Variants in NEK2 observed in about 807,000 individuals in gnomAD.
The protein encoded by NEK2 is NIMA related kinase 2, also known as serine/threonine-protein kinase Nek2.
Under a neutral mutation model 54.1 loss-of-function variants are expected in NEK2, and 28 were observed. The observed-to-expected ratio is 0.52, with a 90% CI of 0.38 to 0.71. NEK2 has a LOEUF of 0.71. Among genes scored for constraint, NEK2 ranks in the 30% least tolerant of loss-of-function variants. The pLI, the probability that NEK2 is intolerant of heterozygous loss-of-function variation, is 0.00. For missense variants in NEK2, 407 were observed against 531.5 expected (o/e 0.77, Z 2.30); for synonymous variants, 176 against 193.1 (o/e 0.91, Z 0.73).
chr1:211,659,599 C>T (rs974006629), downstream of NEK2, among the ~76,000 whole-genome samples: 1 of 152,182 alleles, frequency 6.6e-6, no homozygotes, highest in African/African-American at 2.4e-5. Flanking sequence ...TACTGGTGAT[C>T]AAACAGCAAC....
chr1:211,668,857 C>T (rs1176554601), intron 6 of NEK2, among the ~76,000 whole-genome samples: 7 of 152,232 alleles, frequency 4.6e-5, no homozygotes, highest in Admixed American at 3.3e-4. Flanking sequence ...ACAAGGCTAT[C>T]GTATTAGGGC....
chr1:211,669,084 C>T, intron 6 of NEK2, 29 bp downstream of exon 6: 2 of 1,590,896 alleles, frequency 1.3e-6, no homozygotes, highest in Non-Finnish European at 1.7e-6. Context: ...TGGTAGTTCT[C>T]CTTTGCTTTG....
At chr1:211,658,560 C>T (rs372371750), downstream of NEK2, 10 of 412,042 alleles carry the variant, frequency 2.4e-5, no homozygotes, top group Non-Finnish European at 4.8e-5. Context: ...GGGAGGATTG[C>T]TTGAGCCCAT....
chr1:211,671,556 T>A (rs1655393840), intron 3 of NEK2, among the ~76,000 whole-genome samples: 1 of 152,206 alleles, frequency 6.6e-6, no homozygotes, highest in Non-Finnish European at 1.5e-5. Context: ...ATGAGAGACT[T>A]CTACTCTCAA....
intron 1 of NEK2, among the ~76,000 whole-genome samples, chr1:211,674,940 G>T (rs1202388410): frequency 6.6e-6 from 1 of 152,174 alleles, no homozygotes; most frequent in African/African-American, 2.4e-5. Flanking sequence ...TTCTGTAAAA[G>T]TTCTACCTAT....
intron 6 of NEK2, 79 bp from the exon 7 acceptor site, chr1:211,667,310 A>G: frequency 7.2e-7 from 1 of 1,388,084 alleles, no homozygotes. Flanking sequence ...TGGCAATCTT[A>G]TCACTACTAG....
chr1:211,660,269 G>A (rs1436483019), downstream of NEK2: 3 of 426,630 alleles, frequency 7.0e-6, no homozygotes, highest in Non-Finnish European at 1.4e-5. Flanking sequence ...TGTTCAATGA[G>A]ACCCATAATG....
chr1:211,661,759 A>G (rs1221535220), downstream of NEK2, among the ~76,000 whole-genome samples: 1 of 152,242 alleles, frequency 6.6e-6, no homozygotes, highest in Non-Finnish European at 1.5e-5. Flanking sequence ...ACACTGGAGG[A>G]ACCTCAGTAT....
At position 211,669,161 on chromosome 1, in the gene NEK2, A is replaced by T. The variant is rs775595439; in HGVS notation, c.937T>A (p.Leu313Ile). 3 of 1,613,768 alleles carry T rather than the reference A, an allele frequency of 1.9e-6. No homozygotes were observed. In the East Asian group the frequency reaches 6.7e-5, roughly 36 times the overall value. The change falls in exon 6 of 8, where the codon TTA becomes ATA. Residue 313 changes from leucine to isoleucine, a missense_variant. By Grantham distance (5) the Leu-to-Ile change is conservative. Coordinates refer to ENST00000366999, the MANE Select transcript of NEK2 (RefSeq NM_002497.4). ...TTGAGAGCTCGCTCTCGCTCCTGTA[A>T]CTGAATTTCCTTCAGTTTCAGCTCA... ...LSELKLKEIQ[L>I]QERERALKAR...
chr1:211,663,411 T>C lies in NEK2; in HGVS notation c.*15A>G, dbSNP rs751871666. Reference sequence around the variant, plus strand: ...ATATTACATCCTGTACACAGCTCTGTGTCTCTCTACCTGGCTAGCGCATGC... The same window carrying C: ...ATATTACATCCTGTACACAGCTCTGCGTCTCTCTACCTGGCTAGCGCATGC... On this transcript the variant is annotated 3_prime_UTR_variant, in exon 8 of 8. Transcript: ENST00000366999. 6.2e-7 allele frequency: 1 copy of C among 1,603,824 alleles called. No individual in the cohort carries two copies. The highest frequency in any genetic ancestry group is 8.5e-7 in the Non-Finnish European group (1 of 1,173,624).
chr1:211,673,404 ACT>A (rs1655462288), intron 3 of NEK2, 77 bp downstream of exon 3: 1 of 1,554,824 alleles, frequency 6.4e-7, no homozygotes, highest in Non-Finnish European at 8.8e-7. Flanking sequence ...ACAGAGCGAG[ACT>A]CTGTCTCAAA....
chr1:211,666,989 T>C, intron 7 of NEK2, 117 bp downstream of exon 7: 1 of 1,526,650 alleles, frequency 6.6e-7, no homozygotes, highest in Non-Finnish European at 8.8e-7. Context: ...ATGAAATCCA[T>C]CTTAAAATTT....
At chr1:211,662,182 A>C (rs1158967168), downstream of NEK2, among the ~76,000 whole-genome samples, 1 of 152,222 alleles carries the variant, frequency 6.6e-6, no homozygotes, top group East Asian at 1.9e-4. This position sits in a 1 kb window ranked among gnomAD's most constrained non-coding sequence, Gnocchi z 4.2. Flanking sequence ...AGACAATAAC[A>C]AGGTAATAGT....
intron 1 of NEK2, among the ~76,000 whole-genome samples, 200 bp downstream of exon 1, chr1:211,675,184 A>G (rs1431781955): frequency 6.6e-6 from 1 of 152,206 alleles, no homozygotes; most frequent in African/African-American, 2.4e-5. Context: ...AAAAGATGGA[A>G]ATACATATAT....
intron 6 of NEK2, among the ~76,000 whole-genome samples, chr1:211,668,419 A>C (rs1655247012): frequency 6.6e-6 from 1 of 152,206 alleles, no homozygotes. Context: ...AATACTCATA[A>C]GTCAATGTTA....
At chr1:211,675,337 C>T in intron 1 of NEK2, 47 bp downstream of exon 1, 1 of 1,561,794 alleles carries the variant, frequency 6.4e-7, no homozygotes, top group Non-Finnish European at 8.8e-7. Flanking sequence ...CGCCCCGAGG[C>T]GACGAAACCT....
chr1:211,660,690 A>G, downstream of NEK2: 2 of 668,548 alleles, frequency 3.0e-6, no homozygotes, highest in Admixed American at 3.7e-5. Flanking sequence ...CTTTTCCTTG[A>G]ATCTGCGAAG....
In NEK2 at chr1:211,669,411, A is replaced by T. The variant is rs1319858260; in HGVS notation, c.766-79T>A. On this transcript the variant is annotated intron_variant, in intron 5 of 7. Transcript: ENST00000366999. ...CTAAGACAGCAGTTAAAATAAAAGG[A>T]CAAAAATGTGTTTCCAAGACAAAAG... 3.8e-6 allele frequency: 5 copies of T among 1,310,378 alleles called. No individual in the cohort carries two copies. The Admixed American group carries it at 9.6e-5, about 25-fold the overall frequency. The allele number at this position is 1,310,378 out of a possible 1,614,324, so 81.2% of individuals were successfully genotyped here.
At chr1:211,671,120 CAG>C in intron 4 of NEK2, 80 bp downstream of exon 4, 2 of 1,092,690 alleles carry the variant, frequency 1.8e-6, no homozygotes, top group Non-Finnish European at 2.8e-6. Context: ...TTCGTTAGCA[CAG>C]AGGCTCAAAA....
Sources: allele counts gnomAD v4.1 joint callset (sites outside exome capture counted in the v4.1 genomes callset), GRCh38; gene constraint gnomAD v4.1.1; non-coding constraint Gnocchi (gnomAD v3.1); transcripts MANE v1.5; gene names NCBI Gene and HGNC (gene_info 2026-07-23, HGNC 2026-07-21).